Variants in GPR158 observed in about 807,000 individuals in gnomAD.
The protein encoded by GPR158 is G protein-coupled receptor 158.
Under a neutral mutation model 78.2 loss-of-function variants are expected in GPR158, and 30 were observed. That is an observed-to-expected ratio of 0.38 (90% CI 0.29 to 0.52). GPR158 has a LOEUF of 0.52. Ranked by LOEUF, GPR158 falls within the 20% of genes least tolerant of loss-of-function variation. The pLI is 0.83. For missense variants in GPR158, 1,463 were observed against 1,523.5 expected (o/e 0.96, Z 0.66); for synonymous variants, 581 against 591.1 (o/e 0.98, Z 0.25).
chr10:25,331,533 C>T (rs9663151), intron 2 of GPR158, among the ~76,000 whole-genome samples: 36 of 152,134 alleles, frequency 2.4e-4, no homozygotes, highest in African/African-American at 7.5e-4. Flanking sequence ...TCCATGAACC[C>T]GTAGCAGAAA....
At chr10:25,251,653 C>G (rs1464278911) in intron 2 of GPR158, among the ~76,000 whole-genome samples, 1 of 151,330 alleles carries the variant, frequency 6.6e-6, no homozygotes, top group Non-Finnish European at 1.5e-5. Flanking sequence ...CCACTCTCTT[C>G]TGGCTTGTAG....
chr10:25,581,454 G>A (rs1175403305), intron 7 of GPR158, among the ~76,000 whole-genome samples: 1 of 152,168 alleles, frequency 6.6e-6, no homozygotes, highest in Non-Finnish European at 1.5e-5. Flanking sequence ...ACATACTTCT[G>A]AAAGCACTTG....
rs116150703 is a variant in GPR158 at position 25,453,983 on chromosome 10, G to A, written c.1336-12668G>A. 9.6e-4 allele frequency among the ~76,000 whole-genome samples: 146 copies of A among 152,210 alleles called. 1 individual carries two copies. The highest frequency in any genetic ancestry group is 3.4e-3 in the Middle Eastern group (1 of 294). ...CTGTGAACAATGTCATTGGAATTTT[G>A]ATAGAGATTGCATTGAATCTGTAGA... On this transcript the variant is annotated intron_variant, in intron 4 of 10. Transcript: ENST00000376351.
At chr10:25,295,597 T>C (rs1361255914) in intron 2 of GPR158, among the ~76,000 whole-genome samples, 1 of 151,988 alleles carries the variant, frequency 6.6e-6, no homozygotes, top group Non-Finnish European at 1.5e-5. Flanking sequence ...GTATTTTTAG[T>C]AGAGACAGGG....
intron 2 of GPR158, among the ~76,000 whole-genome samples, chr10:25,386,340 G>T (rs1344881681): frequency 6.6e-6 from 1 of 152,102 alleles, no homozygotes; most frequent in Non-Finnish European, 1.5e-5. Flanking sequence ...GATTACTATA[G>T]CTTTGTAGTG....
At chr10:25,497,534 C>A (rs138646719) in intron 5 of GPR158, among the ~76,000 whole-genome samples, 2 of 151,948 alleles carry the variant, frequency 1.3e-5, no homozygotes, top group African/African-American at 4.8e-5. Flanking sequence ...CTAGTACTAG[C>A]GTGTAGACAG....
At chr10:25,360,002 C>T (rs1432358662) in intron 2 of GPR158, among the ~76,000 whole-genome samples, 9 of 152,166 alleles carry the variant, frequency 5.9e-5, no homozygotes, top group Non-Finnish European at 1.5e-5. Context: ...TTGCATTTCT[C>T]TAATGACCAG....
At chr10:25,245,298 A>T (rs1853674019) in intron 2 of GPR158, among the ~76,000 whole-genome samples, 1 of 152,238 alleles carries the variant, frequency 6.6e-6, no homozygotes, top group East Asian at 1.9e-4. Context: ...TTTAAGGGTG[A>T]GCCTGGCCCA....
chr10:25,405,761 T>C (rs959710089), intron 3 of GPR158, among the ~76,000 whole-genome samples: 58 of 152,120 alleles, frequency 3.8e-4, no homozygotes, highest in African/African-American at 1.4e-3. Flanking sequence ...TTTAACAAAT[T>C]GATTTAGATG....
intron 3 of GPR158, among the ~76,000 whole-genome samples, chr10:25,396,300 A>C (rs1443418307): frequency 6.6e-6 from 1 of 152,220 alleles, no homozygotes; most frequent in Non-Finnish European, 1.5e-5. Flanking sequence ...AGTTATTGAA[A>C]GATGCTGCTA....
intron 1 of GPR158, among the ~76,000 whole-genome samples, chr10:25,210,411 A>C (rs1338073385): frequency 6.6e-6 from 1 of 152,182 alleles, no homozygotes; most frequent in Non-Finnish European, 1.5e-5. Context: ...AGTCATAGGG[A>C]GGGGTAAACT....
At chr10:25,200,868 G>GTTTTTTT (rs56696555) in intron 1 of GPR158, among the ~76,000 whole-genome samples, 29 of 113,338 alleles carry the variant, frequency 2.6e-4, no homozygotes, top group East Asian at 9.6e-4. Context: ...TTTTTGTTTT[G>GTTTTTTT]TTTTTTTTTT....
intron 7 of GPR158, 97 bp downstream of exon 7, chr10:25,572,984 T>A: frequency 1.3e-6 from 1 of 763,484 alleles, no homozygotes; most frequent in East Asian, 2.5e-5. Flanking sequence ...TAGTAAAGCC[T>A]AAACTAATCT....
rs1588737262 is a variant in GPR158 at position 25,211,628 on chromosome 10, T to C, written c.903-9424T>C. ...TATCACCGTTGCACTGGGGATGAAG[T>C]TCCTAACACACGAACTCTGGGGGAC... On this transcript the variant is annotated intron_variant, in intron 1 of 10. Coordinates refer to ENST00000376351, the MANE Select transcript of GPR158 (RefSeq NM_020752.3). Among the ~76,000 whole-genome samples, 8 of 152,302 alleles carry C rather than the reference T, an allele frequency of 5.3e-5. No individual in the cohort carries two copies. The South Asian group carries it at 1.7e-3, about 32-fold the overall frequency.
At chr10:25,358,816 G>C (rs1015368416) in intron 2 of GPR158, among the ~76,000 whole-genome samples, 5 of 151,948 alleles carry the variant, frequency 3.3e-5, no homozygotes, top group Non-Finnish European at 7.4e-5. Context: ...TTCCATTTTA[G>C]TCAGAGAATA....
chr10:25,192,556 T>C (rs1852786325), intron 1 of GPR158, among the ~76,000 whole-genome samples: 2 of 152,200 alleles, frequency 1.3e-5, no homozygotes, highest in Non-Finnish European at 2.9e-5. Flanking sequence ...ACTCTGTGGC[T>C]CAATTCCCTC....
At chr10:25,183,531 G>A (rs143312120) in intron 1 of GPR158, among the ~76,000 whole-genome samples, 119 of 152,106 alleles carry the variant, frequency 7.8e-4, no homozygotes, top group African/African-American at 2.6e-3. Flanking sequence ...TTTGTACAAG[G>A]TGGCAGCTTC....
chr10:25,506,860 G>C (rs762622690), intron 5 of GPR158, among the ~76,000 whole-genome samples: 32 of 152,288 alleles, frequency 2.1e-4, no homozygotes, highest in Non-Finnish European at 4.0e-4. Flanking sequence ...ATAGAATTAT[G>C]TATCTGATAT....
At chr10:25,502,531 A>G (rs1835955649) in intron 5 of GPR158, among the ~76,000 whole-genome samples, 1 of 152,150 alleles carries the variant, frequency 6.6e-6, no homozygotes, top group African/African-American at 2.4e-5. Context: ...ACTGAAAATA[A>G]TCTGGCTTAG....
Sources: gnomAD v4.1 joint callset for allele counts (sites outside exome capture counted in the v4.1 genomes callset) on GRCh38, gnomAD v4.1.1 for gene constraint, MANE v1.5 for transcripts, NCBI Gene and HGNC (gene_info 2026-07-23, HGNC 2026-07-21) for gene names.